Variants in ATP2C1 observed in about 807,000 individuals in gnomAD.
ATP2C1 encodes calcium-transporting ATPase type 2C member 1.
In ATP2C1, 31 loss-of-function variants were observed where a neutral mutation model predicts 120.5. The observed-to-expected ratio is 0.26, with a 90% CI of 0.19 to 0.35. The LOEUF is 0.35. Ranked by LOEUF, ATP2C1 falls within the 10% of genes least tolerant of loss-of-function variation. The pLI is 1.00. For synonymous variants in ATP2C1, 351 were observed against 358.7 expected, an observed-to-expected ratio of 0.98 and a Z score of 0.24; for missense variants, 731 against 1,107.5, an observed-to-expected ratio of 0.66 and a Z score of 4.83.
chr3:130,941,717 T>G lies in ATP2C1; in HGVS notation c.531+18T>G. 6.4e-7 allele frequency: 1 copy of G among 1,564,760 alleles called. No homozygotes were observed. The highest frequency in any genetic ancestry group is 8.8e-7 in the Non-Finnish European group (1 of 1,135,024). On this transcript the variant is annotated intron_variant, in intron 8 of 27. Transcript: ENST00000510168. Reference sequence around the variant, plus strand: ...TGTTTGAGGTAAATTTGGGATCTGATTGTAATAAGTGAAAATACGTGGATG... The same window carrying G: ...TGTTTGAGGTAAATTTGGGATCTGAGTGTAATAAGTGAAAATACGTGGATG...
downstream of ATP2C1, among the ~76,000 whole-genome samples, chr3:131,005,541 G>C (rs907266817): frequency 2.0e-5 from 3 of 152,236 alleles, no homozygotes; most frequent in Non-Finnish European, 4.4e-5. Context: ...CCTAAGCTAA[G>C]CAGGGTTTAG....
In ATP2C1 at chr3:130,912,910, G is replaced by A. The variant is rs1428163871; in HGVS notation, c.7-17506G>A. Among the ~76,000 whole-genome samples, 180 of 151,900 alleles carry A rather than the reference G, an allele frequency of 1.2e-3. 4 individuals are homozygous for A. Among genetic ancestry groups the A allele is most frequent in the Admixed American group, 2.0e-4 (3 of 15,266 alleles). The stretch of plus-strand genomic sequence containing the variant: ...AAATGTGGCACATATACACCATGGA[G>A]TACTATGCAGCCATAAAAAATGATG... On this transcript the variant is annotated intron_variant, in intron 2 of 27. Coordinates refer to ENST00000510168, the MANE Select transcript of ATP2C1 (RefSeq NM_001378687.1).
At chr3:130,885,057 T>C (rs1396516779) in intron 1 of ATP2C1, among the ~76,000 whole-genome samples, 2 of 151,682 alleles carry the variant, frequency 1.3e-5, no homozygotes, top group Admixed American at 1.3e-4. Flanking sequence ...CCTCAGCCTC[T>C]GGAGTAGCTG....
At chr3:130,986,184 C>CT (rs34877609) in intron 20 of ATP2C1, among the ~76,000 whole-genome samples, 99,685 of 135,096 alleles carry the variant, frequency 0.74, 36,935 homozygotes, top group East Asian at 0.77. Context: ...TTGAATAGGG[C>CT]TTTTTTTTTT....
intron 26 of ATP2C1, chr3:131,015,970 T>A: frequency 1.3e-6 from 1 of 799,234 alleles, no homozygotes; most frequent in Non-Finnish European, 2.1e-6. Flanking sequence ...TTAATATTTT[T>A]CCCGTTTCCA....
At chr3:131,007,229 A>T (rs1221779404), downstream of ATP2C1, among the ~76,000 whole-genome samples, 2 of 152,216 alleles carry the variant, frequency 1.3e-5, no homozygotes, top group African/African-American at 2.4e-5. Flanking sequence ...ACACGTGAAC[A>T]TATATGATGT....
intron 17 of ATP2C1, among the ~76,000 whole-genome samples, chr3:130,972,755 A>G (rs764769246): frequency 9.9e-5 from 15 of 151,322 alleles, no homozygotes; most frequent in Non-Finnish European, 2.2e-4. Flanking sequence ...GAGAATGATG[A>G]TTTCCAGTTT....
upstream of ATP2C1, among the ~76,000 whole-genome samples, chr3:130,893,705 C>G (rs1361145725): frequency 1.3e-5 from 2 of 152,228 alleles, no homozygotes; most frequent in African/African-American, 4.8e-5. Flanking sequence ...TGGGCCGACC[C>G]CGCGGCCGCC....
intron 2 of ATP2C1, among the ~76,000 whole-genome samples, chr3:130,924,437 G>T (rs935488305): frequency 6.6e-6 from 1 of 152,200 alleles, no homozygotes; most frequent in Non-Finnish European, 1.5e-5. Context: ...TCTGCTGAAA[G>T]ATACACTGTT....
chr3:130,997,876 T>A, intron 25 of ATP2C1, 123 bp downstream of exon 25: 1 of 964,048 alleles, frequency 1.0e-6, no homozygotes, highest in Non-Finnish European at 1.6e-6. Context: ...GTGAAAAATA[T>A]AAGAACATTT....
At chr3:130,987,107 TAAAAA>T (rs756019367) in intron 20 of ATP2C1, among the ~76,000 whole-genome samples, 1 of 137,080 alleles carries the variant, frequency 7.3e-6, no homozygotes, top group Non-Finnish European at 1.6e-5. Context: ...CTTGGGTAAT[TAAAAA>T]AAAAAAAAAA....
At position 130,999,621 on chromosome 3, in the gene ATP2C1, T is replaced by C; in HGVS notation, c.2591T>C (p.Leu864Pro). ...TTACTAGTTATTTACTTTCCTCCGC[T>C]TCAGAAGGTTTTTCAGACTGAGAGC... ...GQLLVIYFPP[L>P]QKVFQTESLS... is the part of the protein sequence containing the mutation. Residue 864 changes from leucine (L) to proline (P), a missense_variant, in exon 27 of 28, where the codon CTT becomes CCT. Physicochemically the swap from Leu to Pro is moderately conservative, Grantham distance 98. Transcript: ENST00000510168. 1 of 1,613,550 alleles carries C rather than the reference T, an allele frequency of 6.2e-7. No individual in the cohort carries two copies. Among genetic ancestry groups the C allele is most frequent in the Non-Finnish European group, 8.5e-7 (1 of 1,179,610 alleles).
Position 130,894,149 on chromosome 3 carries a change from TCCCCTCCC to T in ATP2C1, c.-367_-360del. The T allele has an allele frequency of 4.3e-6, 3 of 694,848 alleles. No homozygotes were observed. Among genetic ancestry groups the T allele is most frequent in the Non-Finnish European group, 5.3e-6 (3 of 565,202 alleles). The allele number at this position is 694,848 out of a possible 1,614,324, so 43.0% of individuals were successfully genotyped here. A position where few individuals can be genotyped will look rare whatever the true frequency, so the allele number is the denominator to read the frequency against. On this transcript the variant is annotated 5_prime_UTR_variant, in exon 1 of 28. Coordinates refer to ENST00000510168, the MANE Select transcript of ATP2C1 (RefSeq NM_001378687.1). This position sits in a 1 kb window ranked among gnomAD's most constrained non-coding sequence, Gnocchi z 4.5. ...ACGGGTCCCCTCACCTCCTCTTCTCTCCCCTCCCCGCCCGCCCTCTCTCCCTCCCTTCC... is the reference window on the plus strand; with the variant it reads ...ACGGGTCCCCTCACCTCCTCTTCTCTCGCCCGCCCTCTCTCCCTCCCTTCC...
At chr3:130,919,557 AC>A (rs1333062683) in intron 2 of ATP2C1, among the ~76,000 whole-genome samples, 1 of 152,112 alleles carries the variant, frequency 6.6e-6, no homozygotes, top group African/African-American at 2.4e-5. Flanking sequence ...ATTCCATTGT[AC>A]ATATATTCCA....
downstream of ATP2C1, among the ~76,000 whole-genome samples, chr3:131,007,043 C>T (rs1362420717): frequency 6.6e-6 from 1 of 152,094 alleles, no homozygotes; most frequent in Non-Finnish European, 1.5e-5. Flanking sequence ...TTTTAGAAAG[C>T]ATTAAAAATT....
chr3:130,936,941 T>G (rs1022001979), intron 5 of ATP2C1, among the ~76,000 whole-genome samples: 5 of 152,060 alleles, frequency 3.3e-5, no homozygotes, highest in African/African-American at 1.2e-4. Flanking sequence ...CAATATGTTA[T>G]AGTAAATGGA....
intron 26 of ATP2C1, chr3:131,015,880 A>G (rs2063601244): frequency 3.7e-6 from 2 of 541,274 alleles, no homozygotes; most frequent in Non-Finnish European, 6.7e-6. Context: ...TCTCCCACAT[A>G]TTAATGTATT....
intron 2 of ATP2C1, chr3:130,918,219 T>C: frequency 7.0e-7 from 1 of 1,429,536 alleles, no homozygotes; most frequent in Non-Finnish European, 9.8e-7. Context: ...GGTTTACACC[T>C]TACTGGGCAT....
chr3:130,914,815 A>C (rs911559900), intron 2 of ATP2C1, among the ~76,000 whole-genome samples: 3 of 152,240 alleles, frequency 2.0e-5, no homozygotes, highest in Non-Finnish European at 4.4e-5. Flanking sequence ...TCCCTACCCC[A>C]TAACATACCT....
Sources: allele counts gnomAD v4.1 joint callset (sites outside exome capture counted in the v4.1 genomes callset), GRCh38; gene constraint gnomAD v4.1.1; non-coding constraint Gnocchi (gnomAD v3.1); transcripts MANE v1.5; gene names NCBI Gene and HGNC (gene_info 2026-07-23, HGNC 2026-07-21).